FAH: variants seen among roughly 807,000 people sequenced by gnomAD.
FAH encodes the protein fumarylacetoacetase.
In FAH, 47 loss-of-function variants were observed where a neutral mutation model predicts 55.8. The ratio of observed to expected loss-of-function variants is 0.84; its 90% CI spans 0.67 to 1.07. The LOEUF (loss-of-function observed/expected upper bound fraction) is 1.07. Among genes scored for constraint, FAH ranks in the 50% least tolerant of loss-of-function variants. The probability of loss-of-function intolerance (pLI) is 0.00; values close to 1 mark genes in which losing one functional copy is unlikely to be tolerated. For synonymous variants in FAH, 199 were observed against 207.7 expected (o/e 0.96, Z 0.36); for missense variants, 495 against 545.9 (o/e 0.91, Z 0.93).
chr15:80,159,481 G>A (rs904956891), intron 2 of FAH, among the ~76,000 whole-genome samples: 5 of 152,114 alleles, frequency 3.3e-5, no homozygotes, highest in South Asian at 2.1e-4. Flanking sequence ...ACTGTGGGCC[G>A]GGCCAAGCTT....
At chr15:80,168,726 G>A (rs1467421182) in intron 7 of FAH, among the ~76,000 whole-genome samples, 2 of 152,132 alleles carry the variant, frequency 1.3e-5, no homozygotes, top group Non-Finnish European at 2.9e-5. Context: ...GTTTTTTGCA[G>A]ATCTGTGCTT....
At chr15:80,185,260 T>C (rs992354320) in intron 13 of FAH, among the ~76,000 whole-genome samples, 2 of 152,186 alleles carry the variant, frequency 1.3e-5, no homozygotes, top group African/African-American at 4.8e-5. Context: ...GAATTTCAAA[T>C]AGGGACTGGA....
chr15:80,179,489 A>G (rs2041311586), intron 11 of FAH, among the ~76,000 whole-genome samples: 1 of 151,474 alleles, frequency 6.6e-6, no homozygotes, highest in Non-Finnish European at 1.5e-5. Flanking sequence ...TGGCAATGTG[A>G]GAAGCTGTGG....
At chr15:80,186,033 G>A (rs1182861863) in intron 13 of FAH, 97 bp from the exon 14 acceptor site, 38 of 910,432 alleles carry the variant, frequency 4.2e-5, no homozygotes, top group South Asian at 1.4e-4. Context: ...TTCCTGCCTC[G>A]GGCCAGCTGT....
chr15:80,165,105 C>T (rs1361107153), intron 5 of FAH, among the ~76,000 whole-genome samples: 1 of 152,138 alleles, frequency 6.6e-6, no homozygotes. Context: ...AAATACAGTA[C>T]AGTAGGGCTG....
intron 4 of FAH, 96 bp from the exon 5 acceptor site, chr15:80,162,150 A>G (rs944899894): frequency 9.0e-6 from 8 of 890,002 alleles, no homozygotes; most frequent in East Asian, 2.4e-5. Flanking sequence ...TGTAAACAGT[A>G]TTGTGTGCAC....
chr15:80,181,206 T>G (rs143241619), intron 13 of FAH, 47 bp downstream of exon 13: 1 of 1,351,170 alleles, frequency 7.4e-7, no homozygotes, highest in Non-Finnish European at 1.1e-6. Flanking sequence ...TTGCCCGCCA[T>G]GCACTGTTCT....
At chr15:80,174,698 C>T (rs2041267914) in intron 9 of FAH, among the ~76,000 whole-genome samples, 1 of 152,304 alleles carries the variant, frequency 6.6e-6, no homozygotes, top group East Asian at 1.9e-4. Flanking sequence ...CTTTGTTCTC[C>T]ATCTCGGCCT....
At chr15:80,158,346 C>T (rs2041118046) in intron 2 of FAH, among the ~76,000 whole-genome samples, 176 bp downstream of exon 2, 2 of 152,324 alleles carry the variant, frequency 1.3e-5, no homozygotes, top group African/African-American at 2.4e-5. Flanking sequence ...AGGAGGTGGC[C>T]TTGGGACAAT....
At chr15:80,178,946 C>T (rs1393878880) in intron 11 of FAH, among the ~76,000 whole-genome samples, 6 of 152,154 alleles carry the variant, frequency 3.9e-5, no homozygotes, top group Admixed American at 1.3e-4. Context: ...TGGTTGTTTC[C>T]GTTGTTTTTG....
chr15:80,186,141 G>A lies in FAH; in HGVS notation c.1192G>A (p.Gly398Arg). ...DEVIITGYCQ[G>R]DGYRIGFGQC... ...CTCCTCTGTTCCAGGGTACTGCCAG[G>A]GGGATGGTTACCGCATCGGCTTTGG... Residue 398 changes from glycine (G) to arginine (R), a missense_variant, in exon 14 of 14, where the codon GGG becomes AGG. By Grantham distance (125) the Gly-to-Arg change is moderately radical. Coordinates refer to ENST00000561421, the MANE Select transcript of FAH (RefSeq NM_000137.4). 2 of 1,614,162 alleles carry A rather than the reference G, an allele frequency of 1.2e-6. No homozygotes were observed. Among genetic ancestry groups the A allele is most frequent in the South Asian group, 1.1e-5 (1 of 91,084 alleles).
At position 80,158,224 on chromosome 15, in the gene FAH, G is replaced by C. The variant is rs570435263; in HGVS notation, c.192+54G>C. 4.0e-4 allele frequency: 473 copies of C among 1,195,908 alleles called. 6 individuals are homozygous for C. In the East Asian group the frequency reaches 0.011, roughly 27 times the overall value. 74.1% of individuals were successfully genotyped at this position (1,195,908 alleles called of 1,614,324 possible). On this transcript the variant is annotated intron_variant, in intron 2 of 13. Transcript: ENST00000561421. ...GACCTCAGTGGCACTTACTGTGGATGCCAACAAGAGAATGCTCCTTGCGTT... is the reference window on the plus strand; with the variant it reads ...GACCTCAGTGGCACTTACTGTGGATCCCAACAAGAGAATGCTCCTTGCGTT...
At chr15:80,168,568 TGGGCATGTGTGGACATGCGCA>T in intron 7 of FAH, 1 of 572,994 alleles carries the variant, frequency 1.7e-6, no homozygotes, top group South Asian at 2.0e-5. Flanking sequence ...AGAGCTTTTG[TGGGCATGTGTGGACATGCGCA>T]GGGCAGTGAA....
Position 80,175,004 on chromosome 15 carries a change from T to C in FAH, c.838-12T>C. The C allele has an allele frequency of 3.1e-6, 5 of 1,613,736 alleles. No homozygotes were observed. Among genetic ancestry groups the C allele is most frequent in the Non-Finnish European group, 4.2e-6 (5 of 1,179,820 alleles). ...CTGCCAGTGACCTCTGTGCTGTGCT[T>C]TGCCCTCTCAGGACCCCAGGCCCCT... On this transcript the variant is annotated splice_polypyrimidine_tract_variant and intron_variant, in intron 9 of 13. Coordinates refer to ENST00000561421, the MANE Select transcript of FAH (RefSeq NM_000137.4).
chr15:80,169,887 A>G (rs2041225420), intron 7 of FAH, among the ~76,000 whole-genome samples: 1 of 152,218 alleles, frequency 6.6e-6, no homozygotes, highest in Non-Finnish European at 1.5e-5. Context: ...TTGTAGACTC[A>G]CATGCAGTTG....
chr15:80,182,969 C>G (rs977185068), intron 13 of FAH, among the ~76,000 whole-genome samples: 1 of 152,222 alleles, frequency 6.6e-6, no homozygotes, highest in African/African-American at 2.4e-5. Context: ...CTAAGCCATG[C>G]TAGACCAGGC....
chr15:80,153,520 G>A (rs768925453), intron 1 of FAH, among the ~76,000 whole-genome samples: 14 of 152,320 alleles, frequency 9.2e-5, no homozygotes, highest in East Asian at 1.9e-4. Flanking sequence ...GGTCAGGGCT[G>A]GTGGTTCATC....
intron 4 of FAH, among the ~76,000 whole-genome samples, chr15:80,160,929 G>A (rs978145973): frequency 1.3e-5 from 2 of 152,206 alleles, no homozygotes; most frequent in African/African-American, 2.4e-5. Flanking sequence ...TCAGCCTGCG[G>A]CCCAAAGCAC....
chr15:80,181,229 C>A, intron 13 of FAH, 70 bp downstream of exon 13: 2 of 1,099,470 alleles, frequency 1.8e-6, no homozygotes, highest in Non-Finnish European at 2.8e-6. Context: ...CTGCGGGGCG[C>A]TCCTACCTGG....
Sources: gnomAD v4.1 joint callset for allele counts (sites outside exome capture counted in the v4.1 genomes callset) on GRCh38, gnomAD v4.1.1 for gene constraint, MANE v1.5 for transcripts, NCBI Gene and HGNC (gene_info 2026-07-23, HGNC 2026-07-21) for gene names.